The following PARD3B variants were observed in gnomAD, a reference collection of about 807,000 sequenced individuals.
PARD3B encodes the protein par-3 family cell polarity regulator beta.
Under a neutral mutation model 130.2 loss-of-function variants are expected in PARD3B, and 103 were observed. The ratio of observed to expected loss-of-function variants is 0.79; its 90% CI spans 0.67 to 0.93. The LOEUF (loss-of-function observed/expected upper bound fraction) is 0.93. PARD3B is among the 40% of genes least tolerant of loss of function. PARD3B has a pLI of 0.00. For synonymous variants in PARD3B, 583 were observed against 553.2 expected (o/e 1.05, Z -0.76); for missense variants, 1,609 against 1,499.2 (o/e 1.07, Z -1.21).
In PARD3B at chr2:204,545,832, C is replaced by T. The variant is rs562352752; in HGVS notation, c.-168C>T. On this transcript the variant is annotated 5_prime_UTR_variant, in exon 1 of 23. Coordinates refer to ENST00000406610, the MANE Select transcript of PARD3B (RefSeq NM_001302769.2). Reference sequence around the variant, plus strand: ...CCGATTCCCGCCACCTGCCGCCTGGCCAGGTGGAAGGGGCGCTGCCGCGAG... The same window carrying T: ...CCGATTCCCGCCACCTGCCGCCTGGTCAGGTGGAAGGGGCGCTGCCGCGAG... 1.1e-3 allele frequency: 727 copies of T among 671,580 alleles called. 4 individuals are homozygous for T. The highest frequency in any genetic ancestry group is 1.4e-3 in the Non-Finnish European group (640 of 449,350). The allele number at this position is 671,580 out of a possible 1,614,324, so 41.6% of individuals were successfully genotyped here. A position where few individuals can be genotyped will look rare whatever the true frequency, so the allele number is the denominator to read the frequency against.
At chr2:204,872,366 T>C (rs1181089823) in intron 2 of PARD3B, among the ~76,000 whole-genome samples, 2 of 152,148 alleles carry the variant, frequency 1.3e-5, no homozygotes, top group South Asian at 2.1e-4. Flanking sequence ...AAAGTTTTGC[T>C]TAAAAGGTTT....
chr2:205,161,465 G>C (rs1323751955), intron 11 of PARD3B, among the ~76,000 whole-genome samples: 3 of 152,132 alleles, frequency 2.0e-5, no homozygotes, highest in Non-Finnish European at 4.4e-5. Context: ...ACCTTTTGCA[G>C]TGTAAAGGGT....
At chr2:204,848,810 T>A (rs1484510146) in intron 2 of PARD3B, among the ~76,000 whole-genome samples, 2 of 152,062 alleles carry the variant, frequency 1.3e-5, no homozygotes, top group African/African-American at 2.4e-5. Context: ...AATTTTACCA[T>A]CTATAGCTTA....
At chr2:205,426,440 C>T (rs1184549373) in intron 19 of PARD3B, among the ~76,000 whole-genome samples, 6 of 152,166 alleles carry the variant, frequency 3.9e-5, no homozygotes, top group African/African-American at 1.2e-4. Flanking sequence ...GATAGCCAGA[C>T]AAATTATCTC....
chr2:204,832,219 C>A (rs2043852465), intron 2 of PARD3B, among the ~76,000 whole-genome samples: 1 of 151,856 alleles, frequency 6.6e-6, no homozygotes, highest in Admixed American at 6.6e-5. Context: ...GAGCGAGACT[C>A]TGTCTCAAAA....
intron 20 of PARD3B, among the ~76,000 whole-genome samples, chr2:205,464,335 G>A (rs1408646384): frequency 2.0e-5 from 3 of 152,144 alleles, no homozygotes; most frequent in South Asian, 2.1e-4. Context: ...AGTAGACTAG[G>A]AAACGCTCTT....
chr2:204,560,949 GGA>G (rs949955750), intron 1 of PARD3B, among the ~76,000 whole-genome samples: 17 of 152,072 alleles, frequency 1.1e-4, no homozygotes, highest in African/African-American at 3.9e-4. Context: ...ACTCTCAGTG[GGA>G]AGAGAAGTGT....
In PARD3B at chr2:204,965,324, G is replaced by A; in HGVS notation, c.394+1G>A. 6.2e-7 allele frequency: 1 copy of A among 1,613,238 alleles called. No homozygotes were observed. Among genetic ancestry groups the A allele is most frequent in the Non-Finnish European group, 8.5e-7 (1 of 1,179,460 alleles). On this transcript the variant is annotated splice_donor_variant, in intron 3 of 22. Coordinates refer to ENST00000406610, the MANE Select transcript of PARD3B (RefSeq NM_001302769.2). LOFTEE classifies it high-confidence loss of function. ...GTAACCCCTTCTGCTCTAAAACTAG[G>A]TATGTGTAATGTTTATGATATTCTT...
Position 204,887,374 on chromosome 2 carries a change from C to G in PARD3B, c.223-77778C>G, listed in dbSNP as rs548270457. On this transcript the variant is annotated intron_variant, in intron 2 of 22. Transcript: ENST00000406610. This position sits in a 1 kb window ranked among gnomAD's most constrained non-coding sequence, Gnocchi z 4.2. ...AGCATTAGTGGAATATTACTGAAGC[C>G]GAAGCCATTACTTGGTTGTGATTTA... Among the ~76,000 whole-genome samples, 1 of 152,056 alleles carries G rather than the reference C, an allele frequency of 6.6e-6. No homozygotes were observed. The highest frequency in any genetic ancestry group is 1.9e-4 in the East Asian group (1 of 5,176).
rs371852944 is a variant in PARD3B at position 205,032,416 on chromosome 2, G to A, written c.395-15165G>A. On this transcript the variant is annotated intron_variant, in intron 3 of 22. Transcript: ENST00000406610. ...GAACAGAGTGCGACTTCTTCCTACC[G>A]GATGCATAATGTAAAAGGTGCCTGA... Among the ~76,000 whole-genome samples, 9 of 152,158 alleles carry A rather than the reference G, an allele frequency of 5.9e-5. No individual in the cohort carries two copies. In the South Asian group the frequency reaches 6.2e-4, roughly 11 times the overall value.
chr2:205,101,743 T>A (rs1238480434), intron 4 of PARD3B, among the ~76,000 whole-genome samples: 1 of 152,184 alleles, frequency 6.6e-6, no homozygotes, highest in East Asian at 1.9e-4. Context: ...ATGGATGAGC[T>A]TTTGAAAACA....
At chr2:205,050,960 A>G (rs1332572922) in intron 4 of PARD3B, among the ~76,000 whole-genome samples, 2 of 152,124 alleles carry the variant, frequency 1.3e-5, no homozygotes, top group Admixed American at 1.3e-4. Context: ...GTCTTCACAA[A>G]CTGTCAGAGG....
intron 15 of PARD3B, among the ~76,000 whole-genome samples, chr2:205,204,462 C>G (rs1285585163): frequency 6.6e-6 from 1 of 152,136 alleles, no homozygotes; most frequent in Non-Finnish European, 1.5e-5. Context: ...AATTAGATCC[C>G]ATTTGTCAAT....
rs71410823 is a variant in PARD3B, at chr2:205,534,055, C to CAAA, written c.3181-19257_3181-19255dup. Among the ~76,000 whole-genome samples, 541 of 129,366 alleles carry CAAA rather than the reference C, an allele frequency of 4.2e-3. 4 individuals are homozygous for CAAA. Among genetic ancestry groups the CAAA allele is most frequent in the Middle Eastern group, 0.027 (7 of 262 alleles). The allele number at this position is 129,366 out of a possible 152,430, so 84.9% of individuals were successfully genotyped here. A position where few individuals can be genotyped will look rare whatever the true frequency, so the allele number is the denominator to read the frequency against. On this transcript the variant is annotated intron_variant, in intron 21 of 22. Transcript: ENST00000406610. ...GAGATAAAAGAAAAAGTGAAAAAGC[C>CAAA]AAAAAAAAAAAAAAGGGACAAGAAG... is the stretch of plus-strand genomic sequence containing the variant.
intron 18 of PARD3B, among the ~76,000 whole-genome samples, chr2:205,318,329 A>G (rs531933580): frequency 6.6e-6 from 1 of 152,286 alleles, no homozygotes; most frequent in Non-Finnish European, 1.5e-5. Flanking sequence ...GAGGACTTTG[A>G]CCAATTTCCT....
Position 204,878,464 on chromosome 2 carries a change from C to T in PARD3B, c.223-86688C>T, listed in dbSNP as rs148305482. On this transcript the variant is annotated intron_variant, in intron 2 of 22. Coordinates refer to ENST00000406610, the MANE Select transcript of PARD3B (RefSeq NM_001302769.2). ...TCTAATCTTAAATGGATTCTTTTGCCATTTTTCCTTCCAAATACAGTCACA... is the reference window on the plus strand; with the variant it reads ...TCTAATCTTAAATGGATTCTTTTGCTATTTTTCCTTCCAAATACAGTCACA... Among the ~76,000 whole-genome samples, 529 of 152,124 alleles carry T rather than the reference C, an allele frequency of 3.5e-3. 4 individuals are homozygous for T. In the Middle Eastern group the frequency reaches 0.037, roughly 11 times the overall value.
intron 3 of PARD3B, among the ~76,000 whole-genome samples, chr2:205,036,562 A>C (rs1260208891): frequency 6.7e-6 from 1 of 149,648 alleles, no homozygotes; most frequent in Non-Finnish European, 1.5e-5. Context: ...TACACAGCGG[A>C]CTATATGTAC....
chr2:205,025,568 G>A (rs982176550), intron 3 of PARD3B, among the ~76,000 whole-genome samples: 4 of 152,074 alleles, frequency 2.6e-5, no homozygotes, highest in Admixed American at 6.6e-5. Flanking sequence ...GTGTTCTCTT[G>A]GGCAGTCTGA....
chr2:205,348,030 A>T (rs2043857693), intron 18 of PARD3B: 1 of 152,214 alleles, frequency 6.6e-6, no homozygotes. Flanking sequence ...CTCCCGACCA[A>T]AGATCCCCTG....
Sources: gnomAD v4.1 joint callset for allele counts (sites outside exome capture counted in the v4.1 genomes callset) on GRCh38, gnomAD v4.1.1 for gene constraint, Gnocchi (gnomAD v3.1) non-coding constraint, MANE v1.5 for transcripts, NCBI Gene and HGNC (gene_info 2026-07-23, HGNC 2026-07-21) for gene names.